The following EXOC4 variants were observed in gnomAD, a reference collection of about 807,000 sequenced individuals.
EXOC4 encodes exocyst complex component 4.
Under a neutral mutation model 107.2 loss-of-function variants are expected in EXOC4, and 71 were observed. That is an observed-to-expected ratio of 0.66 (90% CI 0.55 to 0.81). EXOC4 has a LOEUF of 0.81. Among genes scored for constraint, EXOC4 ranks in the 30% least tolerant of loss-of-function variants. The probability of loss-of-function intolerance (pLI) is 0.00; values close to 1 mark genes in which losing one functional copy is unlikely to be tolerated. For synonymous variants in EXOC4, 456 were observed against 441.2 expected, an observed-to-expected ratio of 1.03 and a Z score of -0.42; for missense variants, 1,108 against 1,189.6, an observed-to-expected ratio of 0.93 and a Z score of 1.01.
At chr7:133,955,374 C>T (rs567162117) in intron 14 of EXOC4, among the ~76,000 whole-genome samples, 20 of 152,136 alleles carry the variant, frequency 1.3e-4, no homozygotes, top group South Asian at 6.2e-4. Flanking sequence ...CTGGTTGTCC[C>T]GTCAAGTGTT....
chr7:133,324,141 G>T (rs1795180185), intron 5 of EXOC4, among the ~76,000 whole-genome samples: 1 of 151,982 alleles, frequency 6.6e-6, no homozygotes, highest in Non-Finnish European at 1.5e-5. Flanking sequence ...TATCAATTTT[G>T]TTGGTCTTTT....
chr7:133,661,595 CT>C (rs1255379723), intron 10 of EXOC4, among the ~76,000 whole-genome samples: 1 of 150,824 alleles, frequency 6.6e-6, no homozygotes, highest in Non-Finnish European at 1.5e-5. Flanking sequence ...TGGAGCCCCC[CT>C]CCTTTTGTCT....
At chr7:133,297,587 G>C (rs920158790) in intron 3 of EXOC4, among the ~76,000 whole-genome samples, 1 of 152,150 alleles carries the variant, frequency 6.6e-6, no homozygotes, top group Non-Finnish European at 1.5e-5. Flanking sequence ...CTGTAGAACA[G>C]ATAAACAGAT....
intron 9 of EXOC4, among the ~76,000 whole-genome samples, chr7:133,492,131 CTGTG>C (rs1799383747): frequency 6.6e-6 from 1 of 152,056 alleles, no homozygotes; most frequent in African/African-American, 2.4e-5. Context: ...TTTCTGATGA[CTGTG>C]TGGAGAATGA....
At chr7:134,003,490 G>A (rs750182205) in intron 15 of EXOC4, among the ~76,000 whole-genome samples, 13 of 152,218 alleles carry the variant, frequency 8.5e-5, no homozygotes, top group Non-Finnish European at 1.9e-4. Flanking sequence ...GACAGGCAAA[G>A]CGTGGTCGCA....
At chr7:133,456,695 T>G (rs1209792984) in intron 7 of EXOC4, among the ~76,000 whole-genome samples, 1 of 152,148 alleles carries the variant, frequency 6.6e-6, no homozygotes, top group Non-Finnish European at 1.5e-5. Context: ...CCTGCCAGTA[T>G]GGAATCAGGT....
rs1359502210 is a variant in EXOC4 at position 134,065,254 on chromosome 7, T to C, written c.*726T>C. 1.3e-5 allele frequency: 2 copies of C among 152,228 alleles called. No individual in the cohort carries two copies. The highest frequency in any genetic ancestry group is 2.9e-5 in the Non-Finnish European group (2 of 68,040). 9.4% of individuals were successfully genotyped at this position (152,228 alleles called of 1,614,324 possible). A position where few individuals can be genotyped will look rare whatever the true frequency, so the allele number is the denominator to read the frequency against. On this transcript the variant is annotated 3_prime_UTR_variant, in exon 18 of 18. Coordinates refer to ENST00000253861, the MANE Select transcript of EXOC4 (RefSeq NM_021807.4). ...AGACAATTAGACAACTATGGAGGAA[T>C]GAAAGGCAATTCAAACATCTGCTTG...
At chr7:133,807,845 A>G (rs1205175569) in intron 10 of EXOC4, among the ~76,000 whole-genome samples, 1 of 152,202 alleles carries the variant, frequency 6.6e-6, no homozygotes, top group Non-Finnish European at 1.5e-5. Flanking sequence ...AGAGAGGCTT[A>G]CTTCATTTTA....
chr7:133,406,276 C>T (rs1797217429), intron 7 of EXOC4, among the ~76,000 whole-genome samples: 1 of 152,138 alleles, frequency 6.6e-6, no homozygotes, highest in African/African-American at 2.4e-5. Context: ...CCATACTGCA[C>T]TACATCCATG....
chr7:133,663,387 G>A (rs938260081), intron 10 of EXOC4, among the ~76,000 whole-genome samples: 2 of 151,962 alleles, frequency 1.3e-5, no homozygotes, highest in African/African-American at 2.4e-5. Context: ...TTTTAATACC[G>A]TCTCAAGCTG....
chr7:133,339,049 G>T (rs1451177911), intron 5 of EXOC4, among the ~76,000 whole-genome samples: 1 of 152,128 alleles, frequency 6.6e-6, no homozygotes, highest in African/African-American at 2.4e-5. Flanking sequence ...ACTGTGCCCA[G>T]CCCATTATAT....
chr7:133,306,317 C>G (rs1475382265), intron 4 of EXOC4, among the ~76,000 whole-genome samples: 1 of 152,128 alleles, frequency 6.6e-6, no homozygotes. Context: ...CTGTGGGTCT[C>G]ATATTCTGAA....
intron 8 of EXOC4, among the ~76,000 whole-genome samples, chr7:133,477,497 G>T (rs1052101199): frequency 6.6e-6 from 1 of 151,998 alleles, no homozygotes; most frequent in Non-Finnish European, 1.5e-5. Flanking sequence ...GTGTCTCTTT[G>T]TATTGCTGAG....
chr7:134,016,215 G>A (rs115264619), intron 17 of EXOC4, among the ~76,000 whole-genome samples: 1,739 of 152,246 alleles, frequency 0.011, 26 homozygotes, highest in African/African-American at 0.039. Context: ...AACTGGATAT[G>A]TAAACTGGAA....
chr7:133,856,028 C>T (rs554739213), intron 11 of EXOC4, among the ~76,000 whole-genome samples: 1 of 152,302 alleles, frequency 6.6e-6, no homozygotes, highest in Admixed American at 6.5e-5. Flanking sequence ...GTTAAAAGAT[C>T]TGGAACACGT....
chr7:133,683,135 A>T (rs1046231023), intron 10 of EXOC4, among the ~76,000 whole-genome samples: 1 of 152,068 alleles, frequency 6.6e-6, no homozygotes, highest in Non-Finnish European at 1.5e-5. Context: ...TCTTTGTGGG[A>T]CCTGACTTCT....
intron 10 of EXOC4, among the ~76,000 whole-genome samples, chr7:133,668,888 T>G (rs561079787): frequency 6.6e-6 from 1 of 152,046 alleles, no homozygotes; most frequent in East Asian, 1.9e-4. Context: ...GGATGTGGCC[T>G]GGGTCAGATG....
chr7:133,367,588 A>G (rs963450225), intron 6 of EXOC4, among the ~76,000 whole-genome samples: 1 of 152,132 alleles, frequency 6.6e-6, no homozygotes, highest in African/African-American at 2.4e-5. Context: ...CCCTAGCATT[A>G]TAGAGTACTA....
chr7:134,050,705 G>T (rs1195604970), intron 17 of EXOC4, among the ~76,000 whole-genome samples: 1 of 152,140 alleles, frequency 6.6e-6, no homozygotes, highest in Non-Finnish European at 1.5e-5. Flanking sequence ...TGAATGGCAG[G>T]TTGAAGCAGG....
Sources: gnomAD v4.1 joint callset for allele counts (sites outside exome capture counted in the v4.1 genomes callset) on GRCh38, gnomAD v4.1.1 for gene constraint, MANE v1.5 for transcripts, NCBI Gene and HGNC (gene_info 2026-07-23, HGNC 2026-07-21) for gene names.